SLC24A2: variants seen among roughly 807,000 people sequenced by gnomAD.
SLC24A2 encodes solute carrier family 24 member 2, also known as sodium/potassium/calcium exchanger 2.
A neutral mutation model predicts 62.0 loss-of-function variants in SLC24A2; 36 were observed. That is an observed-to-expected ratio of 0.58 (90% CI 0.44 to 0.77). The LOEUF is 0.77. Ranked by LOEUF, SLC24A2 falls within the 30% of genes least tolerant of loss-of-function variation. The pLI is 0.00. For synonymous variants in SLC24A2, 358 were observed against 294.0 expected, an observed-to-expected ratio of 1.22 and a Z score of -2.23; for missense variants, 846 against 817.9, an observed-to-expected ratio of 1.03 and a Z score of -0.42.
chr9:20,239,205 C>T, the SLC24A2 span, among the ~76,000 whole-genome samples: 21 of 152,304 alleles, frequency 1.4e-4, no homozygotes, highest in African/African-American at 4.8e-4. Flanking sequence ...TGCCACAAAA[C>T]ACAAAACATA....
chr9:19,778,397 C>T (rs1231626277), intron 2 of SLC24A2, among the ~76,000 whole-genome samples: 1 of 151,818 alleles, frequency 6.6e-6, no homozygotes, highest in Non-Finnish European at 1.5e-5. Context: ...GAAGGGAGTT[C>T]AGAGAACTTC....
At chr9:20,218,140 G>A in the SLC24A2 span, among the ~76,000 whole-genome samples, 2 of 152,134 alleles carry the variant, frequency 1.3e-5, no homozygotes, top group African/African-American at 4.8e-5. Context: ...GTATAAAAGA[G>A]GAAATTCATT....
intron 2 of SLC24A2, among the ~76,000 whole-genome samples, chr9:19,708,329 C>T (rs1808129409): frequency 6.6e-6 from 1 of 152,126 alleles, no homozygotes; most frequent in South Asian, 2.1e-4. Flanking sequence ...GGCCATACTG[C>T]CCAAGGTAAT....
At chr9:19,934,604 C>A in the SLC24A2 span, among the ~76,000 whole-genome samples, 1 of 152,240 alleles carries the variant, frequency 6.6e-6, no homozygotes, top group African/African-American at 2.4e-5. This position sits in a 1 kb window ranked among gnomAD's most constrained non-coding sequence, Gnocchi z 4.1. Flanking sequence ...AGAGGCCAAA[C>A]AGGCAGCCAG....
the SLC24A2 span, among the ~76,000 whole-genome samples, chr9:20,068,486 C>T: frequency 6.6e-6 from 1 of 152,098 alleles, no homozygotes; most frequent in African/African-American, 2.4e-5. Flanking sequence ...ATGATTGTTA[C>T]CCAATCCTAA....
intron 2 of SLC24A2, among the ~76,000 whole-genome samples, chr9:19,694,947 G>C (rs761635537): frequency 2.0e-5 from 3 of 151,876 alleles, no homozygotes. Context: ...TTTTTCCTCC[G>C]GCAAAGATGG....
At chr9:20,019,268 AAAG>A in the SLC24A2 span, among the ~76,000 whole-genome samples, 2 of 143,882 alleles carry the variant, frequency 1.4e-5, no homozygotes, top group African/African-American at 5.2e-5. Context: ...AGAAAGAAAG[AAAG>A]AAAGAAAGAA....
At chr9:20,032,119 T>C in the SLC24A2 span, among the ~76,000 whole-genome samples, 7 of 152,328 alleles carry the variant, frequency 4.6e-5, no homozygotes, top group East Asian at 1.4e-3. Flanking sequence ...CAGCCTTCTA[T>C]CTTATCAGGT....
chr9:19,636,321 T>C (rs1587072244), intron 2 of SLC24A2, among the ~76,000 whole-genome samples: 2 of 24,178 alleles, frequency 8.3e-5, no homozygotes, highest in South Asian at 3.2e-3. Context: ...TTTCTTTTCT[T>C]TCTTTCTTTC....
At chr9:19,837,952 A>G in the SLC24A2 span, among the ~76,000 whole-genome samples, 1 of 151,978 alleles carries the variant, frequency 6.6e-6, no homozygotes, top group African/African-American at 2.4e-5. Context: ...TTCCATGCTC[A>G]TGGGTAGGAA....
chr9:20,036,421 GA>G, the SLC24A2 span, among the ~76,000 whole-genome samples: 1 of 151,606 alleles, frequency 6.6e-6, no homozygotes, highest in Non-Finnish European at 1.5e-5. Context: ...ATAGAACTTA[GA>G]AAAAAAATCA....
At chr9:20,043,235 T>C in the SLC24A2 span, among the ~76,000 whole-genome samples, 3 of 152,128 alleles carry the variant, frequency 2.0e-5, no homozygotes, top group Non-Finnish European at 4.4e-5. Context: ...AAAGTGCTAC[T>C]CCAGTGAGCA....
the SLC24A2 span, among the ~76,000 whole-genome samples, chr9:20,052,487 A>G: frequency 6.6e-6 from 1 of 152,168 alleles, no homozygotes; most frequent in Non-Finnish European, 1.5e-5. Context: ...TGAAGGTTCA[A>G]TTTGTCTCTA....
At chr9:19,852,860 G>C in the SLC24A2 span, among the ~76,000 whole-genome samples, 1 of 152,072 alleles carries the variant, frequency 6.6e-6, no homozygotes, top group Non-Finnish European at 1.5e-5. Flanking sequence ...TGTGAAGAAT[G>C]TCAATGGTAC....
chr9:20,192,809 C>G, the SLC24A2 span, among the ~76,000 whole-genome samples: 1 of 152,078 alleles, frequency 6.6e-6, no homozygotes, highest in East Asian at 1.9e-4. Flanking sequence ...GGTTGAGAAC[C>G]ACTGCACTGC....
chr9:19,568,164 T>G (rs1835732090), intron 7 of SLC24A2, among the ~76,000 whole-genome samples: 1 of 152,182 alleles, frequency 6.6e-6, no homozygotes, highest in Non-Finnish European at 1.5e-5. Context: ...GAAAAGCCAT[T>G]GAATCATGTC....
At chr9:20,170,386 C>A in the SLC24A2 span, among the ~76,000 whole-genome samples, 1 of 152,074 alleles carries the variant, frequency 6.6e-6, no homozygotes, top group East Asian at 1.9e-4. Flanking sequence ...TTTTTATCTC[C>A]TTAACACAAT....
chr9:20,100,178 T>TG, the SLC24A2 span, among the ~76,000 whole-genome samples: 4 of 151,494 alleles, frequency 2.6e-5, no homozygotes, highest in East Asian at 2.0e-4. Flanking sequence ...GGCTAACTTT[T>TG]TGTGTGTGTG....
chr9:19,638,427 T>C (rs1212506591), intron 2 of SLC24A2, among the ~76,000 whole-genome samples: 1 of 152,210 alleles, frequency 6.6e-6, no homozygotes, highest in African/African-American at 2.4e-5. Flanking sequence ...TCTTTTTACC[T>C]GCTCTCTCTA....
Sources: gnomAD v4.1 joint callset for allele counts (sites outside exome capture counted in the v4.1 genomes callset) on GRCh38, gnomAD v4.1.1 for gene constraint, Gnocchi (gnomAD v3.1) non-coding constraint, MANE v1.5 for transcripts, NCBI Gene and HGNC (gene_info 2026-07-23, HGNC 2026-07-21) for gene names.